The following MAPK6 variants were observed in gnomAD, a reference collection of about 807,000 sequenced individuals.
MAPK6 encodes the protein ERK-3.
MAPK6 carries 19 observed loss-of-function variants against 59.3 expected under a neutral mutation model. The ratio of observed to expected loss-of-function variants is 0.32; its 90% CI spans 0.22 to 0.47. The LOEUF is 0.47. Ranked by LOEUF, MAPK6 falls within the 20% of genes least tolerant of loss-of-function variation. The pLI is 1.00. For synonymous variants in MAPK6, 316 were observed against 290.3 expected (o/e 1.09, Z -0.90); for missense variants, 724 against 847.9 (o/e 0.85, Z 1.81).
rs201618146 is a variant in MAPK6, at chr15:51,982,293, TG to T, written c.-879-911del. ...TATCTCGTCGGCGGGTGGGGACTGC[TG>T]GCACGCAGGCTGCATCTGGCCCTCA... On this transcript the variant is annotated intron_variant, in intron 1 of 7. Transcript: ENST00000691380. 6.4e-4 allele frequency among the ~76,000 whole-genome samples: 97 copies of T among 152,380 alleles called. 1 individual carries two copies. Among genetic ancestry groups the T allele is most frequent in the African/African-American group, 2.2e-3 (93 of 41,596 alleles).
At chr15:52,055,879 G>A (rs2031962613) in intron 3 of MAPK6, among the ~76,000 whole-genome samples, 1 of 152,162 alleles carries the variant, frequency 6.6e-6, no homozygotes, top group South Asian at 2.1e-4. Flanking sequence ...TTAAATATAG[G>A]AATAAAAATA....
At position 52,005,848 on chromosome 15, in the gene MAPK6, G is replaced by A. The variant is rs1407558320; in HGVS notation, c.-632+1446G>A. On this transcript the variant is annotated intron_variant, in intron 3 of 7. Coordinates refer to the MAPK6 transcript ENST00000691380. Reference sequence around the variant, plus strand: ...CCAAGACATCAGAGAGATTCTTCTGGTTTCACAGTGGAGCCCCCAAGGATT... The same window carrying A: ...CCAAGACATCAGAGAGATTCTTCTGATTTCACAGTGGAGCCCCCAAGGATT... 2.6e-5 allele frequency among the ~76,000 whole-genome samples: 4 copies of A among 152,100 alleles called. No individual in the cohort carries two copies. The East Asian group carries it at 5.8e-4, about 22-fold the overall frequency.
At chr15:52,037,577 C>G (rs934375764) in intron 1 of MAPK6, among the ~76,000 whole-genome samples, 2 of 152,134 alleles carry the variant, frequency 1.3e-5, no homozygotes, top group Non-Finnish European at 2.9e-5. Context: ...AAGATGAGAG[C>G]TGTAACAAAG....
Position 52,046,234 on chromosome 15 carries a change from C to CA in MAPK6, c.-225dup, listed in dbSNP as rs2031588932. 1 of 446,318 alleles carries CA rather than the reference C, an allele frequency of 2.2e-6. No homozygotes were observed. The highest frequency in any genetic ancestry group is 4.0e-6 in the Non-Finnish European group (1 of 252,948). The allele number at this position is 446,318 out of a possible 1,614,324, so 27.6% of individuals were successfully genotyped here. Reference sequence around the variant, plus strand: ...CCCCTTTCTTGAACTATGAGTACTGCAATCTTTTTAATTCTCAATATGAAT... The same window carrying CA: ...CCCCTTTCTTGAACTATGAGTACTGCAAATCTTTTTAATTCTCAATATGAAT... On this transcript the variant is annotated 5_prime_UTR_variant, in exon 2 of 6. An upstream open reading frame in the 5' UTR gains an earlier in-frame stop. Transcript: ENST00000261845.
At chr15:51,978,644 G>A (rs1388427227) in intron 1 of MAPK6, among the ~76,000 whole-genome samples, 1 of 150,854 alleles carries the variant, frequency 6.6e-6, no homozygotes, top group Non-Finnish European at 1.5e-5. Flanking sequence ...TTTTTTGGGG[G>A]GATTACCTTA....
At chr15:52,048,218 C>G (rs941577486) in intron 2 of MAPK6, among the ~76,000 whole-genome samples, 7 of 152,090 alleles carry the variant, frequency 4.6e-5, no homozygotes, top group Non-Finnish European at 1.0e-4. Context: ...AGTGTGATCT[C>G]AGCTCATTGC....
At chr15:52,061,260 C>T in intron 4 of MAPK6, 39 bp from the exon 5 acceptor site, 1 of 1,454,326 alleles carries the variant, frequency 6.9e-7, no homozygotes, top group South Asian at 1.1e-5. Context: ...TAAAGGTAAG[C>T]AATTCTTTTC....
chr15:52,003,197 A>C (rs4456445), intron 2 of MAPK6, among the ~76,000 whole-genome samples: 2 of 151,882 alleles, frequency 1.3e-5, no homozygotes, highest in East Asian at 1.9e-4. Context: ...TAAAAAAAAA[A>C]CCAAAAAACA....
Position 52,054,299 on chromosome 15 carries a change from TG to T in MAPK6, c.700+4164del, listed in dbSNP as rs1278231636. Among the ~76,000 whole-genome samples, 12 of 119,896 alleles carry T rather than the reference TG, an allele frequency of 1.0e-4. 1 individual carries two copies. The highest frequency in any genetic ancestry group is 2.3e-4 in the Admixed American group (2 of 8,610). 78.7% of individuals were successfully genotyped at this position (119,896 alleles called of 152,430 possible). A position where few individuals can be genotyped will look rare whatever the true frequency, so the allele number is the denominator to read the frequency against. On this transcript the variant is annotated intron_variant, in intron 3 of 5. Coordinates refer to ENST00000261845, the MANE Select transcript of MAPK6 (RefSeq NM_002748.4). ...AGGAGAATTGCTTGAACCTGGGAGG[TG>T]GAGGTTGCAGTGAGCCGAGATCTTG...
In MAPK6 at chr15:52,059,449, G is replaced by C. The variant is rs141553204; in HGVS notation, c.865+652G>C. On this transcript the variant is annotated intron_variant, in intron 4 of 5. Transcript: ENST00000261845. ...GGCCAAGGAGCACTTTTAAAATGCT[G>C]AACTAGTAATTCTGAATTGGGAGGT... is the stretch of plus-strand genomic sequence containing the variant. Among the ~76,000 whole-genome samples the C allele has an allele frequency of 1.8e-4, 27 of 152,252 alleles. No homozygotes were observed. In the East Asian group the frequency reaches 5.2e-3, roughly 29 times the overall value.
intron 3 of MAPK6, among the ~76,000 whole-genome samples, chr15:52,011,844 A>G (rs975189139): frequency 5.9e-5 from 9 of 152,322 alleles, no homozygotes; most frequent in African/African-American, 1.9e-4. Flanking sequence ...TCTTCTATAA[A>G]CCGTGTCTAG....
chr15:52,023,585 T>C (rs1001276061), intron 1 of MAPK6, among the ~76,000 whole-genome samples: 1 of 152,224 alleles, frequency 6.6e-6, no homozygotes, highest in Non-Finnish European at 1.5e-5. Flanking sequence ...TGGAAAATAA[T>C]GTGTGTCTCT....
At chr15:51,976,911 C>G (rs764807706) in intron 1 of MAPK6, among the ~76,000 whole-genome samples, 1 of 151,482 alleles carries the variant, frequency 6.6e-6, no homozygotes, top group Non-Finnish European at 1.5e-5. Context: ...CCACTGCTCT[C>G]CAGCCTGGGA....
chr15:52,042,066 T>C (rs181523744), intron 1 of MAPK6, among the ~76,000 whole-genome samples: 3 of 152,292 alleles, frequency 2.0e-5, no homozygotes, highest in East Asian at 1.9e-4. Context: ...GAAACACTTA[T>C]TGGATCCACT....
At chr15:52,062,969 T>C (rs1437978860) in intron 5 of MAPK6, among the ~76,000 whole-genome samples, 3 of 152,206 alleles carry the variant, frequency 2.0e-5, no homozygotes, top group Admixed American at 1.3e-4. Context: ...AGAAGAAATT[T>C]TTTTCCCCCT....
At chr15:52,037,951 AAGG>A (rs1160616292) in intron 1 of MAPK6, among the ~76,000 whole-genome samples, 1 of 152,192 alleles carries the variant, frequency 6.6e-6, no homozygotes, top group African/African-American at 2.4e-5. Flanking sequence ...CCACAGAAAA[AAGG>A]AGGGGAATGG....
chr15:51,984,831 C>T (rs1166384766), intron 2 of MAPK6, among the ~76,000 whole-genome samples: 1 of 152,114 alleles, frequency 6.6e-6, no homozygotes, highest in Non-Finnish European at 1.5e-5. Flanking sequence ...TGGGCTAGTG[C>T]AGGCAGGATG....
chr15:52,017,530 TG>T (rs1442853579), upstream of MAPK6: 17 of 152,660 alleles, frequency 1.1e-4, no homozygotes, highest in African/African-American at 3.8e-4. Context: ...TCAGGTCATC[TG>T]GATGTATATG....
chr15:52,062,582 T>G (rs2032245504), intron 5 of MAPK6, among the ~76,000 whole-genome samples: 2 of 152,064 alleles, frequency 1.3e-5, no homozygotes, highest in Non-Finnish European at 2.9e-5. Flanking sequence ...CTGGCTAACG[T>G]GGTGAAACCC....
Sources: allele counts gnomAD v4.1 joint callset (sites outside exome capture counted in the v4.1 genomes callset), GRCh38; gene constraint gnomAD v4.1.1; transcripts MANE v1.5; gene names NCBI Gene and HGNC (gene_info 2026-07-23, HGNC 2026-07-21).